Variants in CTNNA2 observed in about 807,000 individuals in gnomAD.
The protein encoded by CTNNA2 is catenin alpha 2.
A neutral mutation model predicts 101.0 loss-of-function variants in CTNNA2; 42 were observed. The observed-to-expected ratio is 0.42, with a 90% CI of 0.32 to 0.54. The LOEUF is 0.54. Among genes scored for constraint, CTNNA2 ranks in the 20% least tolerant of loss-of-function variants. CTNNA2 has a pLI of 0.14. For missense variants in CTNNA2, 871 were observed against 1,223.1 expected, an observed-to-expected ratio of 0.71 and a Z score of 4.29; for synonymous variants, 450 against 456.4, an observed-to-expected ratio of 0.99 and a Z score of 0.18.
At chr2:79,383,281 C>A (rs1487514361) in intron 4 of CTNNA2, among the ~76,000 whole-genome samples, 1 of 152,052 alleles carries the variant, frequency 6.6e-6, no homozygotes, top group Non-Finnish European at 1.5e-5. Flanking sequence ...GAGTACATGG[C>A]AAATTTCATG....
intron 7 of CTNNA2, among the ~76,000 whole-genome samples, chr2:80,045,624 T>C (rs1225773189): frequency 1.3e-5 from 2 of 152,216 alleles, no homozygotes; most frequent in Admixed American, 1.3e-4. Flanking sequence ...TCATAAATTC[T>C]TGAGTCTCCT....
At chr2:79,666,273 A>G (rs1472225865) in intron 2 of CTNNA2, among the ~76,000 whole-genome samples, 5 of 152,210 alleles carry the variant, frequency 3.3e-5, no homozygotes, top group Admixed American at 1.3e-4. Context: ...TAGAAAATCA[A>G]TGTTTTAATT....
chr2:79,260,478 G>C (rs1674906428), intron 2 of CTNNA2, among the ~76,000 whole-genome samples: 1 of 152,060 alleles, frequency 6.6e-6, no homozygotes, highest in South Asian at 2.1e-4. Flanking sequence ...TAGTCACTTG[G>C]GTTTGCTGAA....
At chr2:80,408,439 C>T (rs1342308166) in intron 8 of CTNNA2, among the ~76,000 whole-genome samples, 1 of 152,182 alleles carries the variant, frequency 6.6e-6, no homozygotes, top group Non-Finnish European at 1.5e-5. Flanking sequence ...CAAATCCATC[C>T]ATTCAGTAAT....
intron 9 of CTNNA2, among the ~76,000 whole-genome samples, chr2:80,428,110 A>G (rs572619365): frequency 1.3e-5 from 2 of 152,320 alleles, no homozygotes; most frequent in African/African-American, 4.8e-5. Flanking sequence ...TGTGAAAAAA[A>G]CAAGTCCAAA....
intron 7 of CTNNA2, among the ~76,000 whole-genome samples, chr2:80,106,578 T>C (rs1700903023): frequency 1.3e-5 from 2 of 152,162 alleles, no homozygotes; most frequent in African/African-American, 4.8e-5. Flanking sequence ...GTAGTAGCTC[T>C]TTCCTAGTCT....
intron 7 of CTNNA2, chr2:80,298,091 A>G (rs991276797): frequency 2.6e-5 from 4 of 151,778 alleles, no homozygotes; most frequent in Admixed American, 6.6e-5. Context: ...GTGTGCTGTT[A>G]TATATACAGA....
intron 7 of CTNNA2, among the ~76,000 whole-genome samples, chr2:80,291,780 G>T (rs899435884): frequency 6.6e-6 from 1 of 152,184 alleles, no homozygotes; most frequent in Non-Finnish European, 1.5e-5. Context: ...CTTGTAGCTG[G>T]CTGCTAGCCT....
intron 7 of CTNNA2, among the ~76,000 whole-genome samples, chr2:80,271,203 C>T (rs970152527): frequency 2.0e-5 from 3 of 152,148 alleles, no homozygotes; most frequent in Admixed American, 6.5e-5. Context: ...CTTTATCCCC[C>T]CCTTGGGTCA....
At chr2:79,274,588 A>G (rs1205623760) in intron 2 of CTNNA2, among the ~76,000 whole-genome samples, 1 of 152,046 alleles carries the variant, frequency 6.6e-6, no homozygotes, top group East Asian at 1.9e-4. Context: ...ATTTTTTGAA[A>G]TGATATGTAT....
intron 7 of CTNNA2, among the ~76,000 whole-genome samples, chr2:80,217,325 T>G (rs1046024905): frequency 6.6e-6 from 1 of 152,098 alleles, no homozygotes. Context: ...CTTCATCCTC[T>G]TCATCAGGAA....
chr2:80,284,746 C>A (rs555087000), intron 7 of CTNNA2, among the ~76,000 whole-genome samples: 157 of 152,218 alleles, frequency 1.0e-3, no homozygotes, highest in African/African-American at 3.7e-3. Context: ...TTGCCTCATC[C>A]TTTGAGCTTT....
At chr2:80,647,501 A>G in intron 18 of CTNNA2, 84 bp from the exon 19 acceptor site, 2 of 1,167,372 alleles carry the variant, frequency 1.7e-6, no homozygotes, top group Non-Finnish European at 2.4e-6. Flanking sequence ...GGAAAACATT[A>G]TTTTAACCGT....
intron 7 of CTNNA2, among the ~76,000 whole-genome samples, chr2:80,022,397 A>G (rs1694626713): frequency 6.6e-6 from 1 of 152,174 alleles, no homozygotes; most frequent in Non-Finnish European, 1.5e-5. Flanking sequence ...TGTGAAGGAA[A>G]TTAAAGGGTG....
At chr2:79,895,559 G>A (rs1383323597) in intron 6 of CTNNA2, among the ~76,000 whole-genome samples, 1 of 151,898 alleles carries the variant, frequency 6.6e-6, no homozygotes, top group Non-Finnish European at 1.5e-5. Context: ...TCAAACCACC[G>A]ACATAGAGTT....
chr2:80,497,624 T>G (rs768140864), intron 9 of CTNNA2, among the ~76,000 whole-genome samples: 7 of 152,202 alleles, frequency 4.6e-5, no homozygotes, highest in Non-Finnish European at 7.3e-5. Context: ...CCATTGGTGT[T>G]GGCAGGACTC....
chr2:80,101,346 A>T (rs941182680), intron 7 of CTNNA2, among the ~76,000 whole-genome samples: 1 of 152,232 alleles, frequency 6.6e-6, no homozygotes, highest in African/African-American at 2.4e-5. Flanking sequence ...GATAACATTG[A>T]AACAGTTGAC....
intron 3 of CTNNA2, among the ~76,000 whole-genome samples, chr2:79,857,012 A>G (rs1319049880): frequency 6.6e-6 from 1 of 152,198 alleles, no homozygotes; most frequent in African/African-American, 2.4e-5. Context: ...GTAAAATCCA[A>G]ACCTCTTACA....
intron 7 of CTNNA2, among the ~76,000 whole-genome samples, chr2:80,266,874 T>C (rs969379539): frequency 6.6e-5 from 10 of 152,142 alleles, no homozygotes; most frequent in African/African-American, 1.9e-4. Flanking sequence ...TGCCTCCAGA[T>C]GGGCCCCTGT....
Sources: gnomAD v4.1 joint callset for allele counts (sites outside exome capture counted in the v4.1 genomes callset) on GRCh38, gnomAD v4.1.1 for gene constraint, MANE v1.5 for transcripts, NCBI Gene and HGNC (gene_info 2026-07-23, HGNC 2026-07-21) for gene names.